Variants in WAC observed in about 807,000 individuals in gnomAD.
WAC encodes the protein WW domain-containing adapter protein with coiled-coil.
In WAC, 11 loss-of-function variants were observed where a neutral mutation model predicts 79.6. The observed-to-expected ratio is 0.14, with a 90% CI of 0.09 to 0.23. The LOEUF is 0.23. WAC is among the 10% of genes least tolerant of loss of function. The pLI is 1.00. For synonymous variants in WAC, 304 were observed against 276.9 expected (o/e 1.10, Z -0.97); for missense variants, 728 against 773.5 (o/e 0.94, Z 0.70).
chr10:28,606,827 G>C (rs1047025476), intron 7 of WAC, among the ~76,000 whole-genome samples: 1 of 152,144 alleles, frequency 6.6e-6, no homozygotes, highest in East Asian at 1.9e-4. Flanking sequence ...TGTAGTGTTC[G>C]TATCTTCAAC....
chr10:28,539,481 A>G (rs1404994754), intron 3 of WAC, among the ~76,000 whole-genome samples: 1 of 152,164 alleles, frequency 6.6e-6, no homozygotes, highest in African/African-American at 2.4e-5. Context: ...TTATTTTTAT[A>G]TAGTCTGTGA....
At chr10:28,605,666 A>G (rs897588555) in intron 7 of WAC, among the ~76,000 whole-genome samples, 1 of 151,860 alleles carries the variant, frequency 6.6e-6, no homozygotes, top group African/African-American at 2.4e-5. Flanking sequence ...TATTTTTTTT[A>G]TTTTGGAGTA....
chr10:28,562,663 T>G (rs1041263333), intron 3 of WAC, among the ~76,000 whole-genome samples: 1 of 152,218 alleles, frequency 6.6e-6, no homozygotes, highest in African/African-American at 2.4e-5. Flanking sequence ...TGAAAACATT[T>G]AGGCATTTCA....
chr10:28,610,058 A>C (rs1388199210), intron 8 of WAC, among the ~76,000 whole-genome samples: 1 of 149,004 alleles, frequency 6.7e-6, no homozygotes, highest in African/African-American at 2.5e-5. Context: ...CAGCCTCCCT[A>C]GTAGCTGGGA....
intron 3 of WAC, among the ~76,000 whole-genome samples, chr10:28,541,805 C>A (rs190615356): frequency 6.6e-6 from 1 of 152,220 alleles, no homozygotes; most frequent in Non-Finnish European, 1.5e-5. Context: ...CTAATTCTCA[C>A]TATTTTATCA....
intron 2 of WAC, chr10:28,534,293 G>A (rs1379855117): frequency 2.4e-6 from 1 of 413,624 alleles, no homozygotes; most frequent in Non-Finnish European, 4.3e-6. Context: ...AGAAAGACCT[G>A]ACTCGATTAT....
At chr10:28,583,334 A>G in intron 3 of WAC, 65 bp from the exon 4 acceptor site, 1 of 1,213,052 alleles carries the variant, frequency 8.2e-7, no homozygotes, top group Non-Finnish European at 1.2e-6. Flanking sequence ...TATGATAGAA[A>G]ACAGTTTAGA....
intron 9 of WAC, chr10:28,611,290 G>C: frequency 3.1e-6 from 4 of 1,292,800 alleles, no homozygotes; most frequent in Non-Finnish European, 4.0e-6. Context: ...AATGGAGAGA[G>C]ATACACATAG....
chr10:28,536,492 T>G (rs1228358954), intron 3 of WAC, among the ~76,000 whole-genome samples: 2 of 152,240 alleles, frequency 1.3e-5, no homozygotes, highest in Non-Finnish European at 2.9e-5. Context: ...TTATGTTTTT[T>G]CAGGATAGTT....
At chr10:28,617,342 AAT>A (rs1841516477) in intron 12 of WAC, among the ~76,000 whole-genome samples, 1 of 152,194 alleles carries the variant, frequency 6.6e-6, no homozygotes. Context: ...CAGAAATGAC[AAT>A]CTCTTTGGCT....
chr10:28,576,782 T>C (rs947404334), intron 3 of WAC, among the ~76,000 whole-genome samples: 5 of 152,204 alleles, frequency 3.3e-5, no homozygotes, highest in African/African-American at 1.2e-4. Context: ...AGAGCAATGC[T>C]GTCCAGTGAG....
rs567431554 is a variant in WAC at position 28,622,705 on chromosome 10, T to C, written c.*3099T>C. Reference sequence around the variant, plus strand: ...TTTCTTCTAAATCTTTGTTTCACACTTGTAAAATCTTGGGAAGGAGGTTCT... The same window carrying C: ...TTTCTTCTAAATCTTTGTTTCACACCTGTAAAATCTTGGGAAGGAGGTTCT... On this transcript the variant is annotated 3_prime_UTR_variant, in exon 14 of 14. Coordinates refer to ENST00000354911, the MANE Select transcript of WAC (RefSeq NM_016628.5). The C allele has an allele frequency of 6.6e-6, 1 of 152,296 alleles. No individual in the cohort carries two copies. The highest frequency in any genetic ancestry group is 1.9e-4 in the East Asian group (1 of 5,184). 9.4% of individuals were successfully genotyped at this position (152,296 alleles called of 1,614,324 possible). A position where few individuals can be genotyped will look rare whatever the true frequency, so the allele number is the denominator to read the frequency against.
intron 3 of WAC, among the ~76,000 whole-genome samples, chr10:28,552,441 A>C (rs1837731451): frequency 6.6e-6 from 1 of 152,134 alleles, no homozygotes; most frequent in Non-Finnish European, 1.5e-5. Context: ...TAATTCTTTC[A>C]ATATCATTAA....
intron 3 of WAC, among the ~76,000 whole-genome samples, chr10:28,556,464 A>G (rs1838001429): frequency 8.1e-6 from 1 of 124,126 alleles, no homozygotes; most frequent in Non-Finnish European, 1.6e-5. Flanking sequence ...TTAACCCCTT[A>G]TCACAAATAT....
intron 12 of WAC, 47 bp downstream of exon 12, chr10:28,616,409 CAG>C (rs747660391): frequency 3.6e-6 from 5 of 1,398,554 alleles, no homozygotes; most frequent in Middle Eastern, 1.9e-4. Flanking sequence ...ATTAGCAAAA[CAG>C]AATTTAATCA....
chr10:28,553,266 TTG>T (rs1837796699), intron 3 of WAC, among the ~76,000 whole-genome samples: 1 of 115,794 alleles, frequency 8.6e-6, no homozygotes, highest in African/African-American at 3.3e-5. Context: ...TTTACAAATT[TTG>T]TTTATGTAAA....
intron 3 of WAC, among the ~76,000 whole-genome samples, chr10:28,548,064 GT>G (rs1306058813): frequency 6.6e-6 from 1 of 151,784 alleles, no homozygotes; most frequent in Non-Finnish European, 1.5e-5. Flanking sequence ...GGGATTACAG[GT>G]GCGTGCCACC....
At chr10:28,600,051 T>C (rs1840564001) in intron 7 of WAC, among the ~76,000 whole-genome samples, 1 of 152,198 alleles carries the variant, frequency 6.6e-6, no homozygotes, top group South Asian at 2.1e-4. Flanking sequence ...TTGTTTGCTA[T>C]GACCAAGTTG....
intron 7 of WAC, among the ~76,000 whole-genome samples, chr10:28,604,622 G>A (rs1840843248): frequency 6.6e-6 from 1 of 152,056 alleles, no homozygotes; most frequent in African/African-American, 2.4e-5. Flanking sequence ...AATTCCAGCT[G>A]AGGCAGGAGA....
Sources: gnomAD v4.1 joint callset for allele counts (sites outside exome capture counted in the v4.1 genomes callset) on GRCh38, gnomAD v4.1.1 for gene constraint, MANE v1.5 for transcripts, NCBI Gene and HGNC (gene_info 2026-07-23, HGNC 2026-07-21) for gene names.